Variants in CACNA2D3 observed in about 807,000 individuals in gnomAD.
CACNA2D3 encodes voltage-dependent calcium channel subunit alpha-2/delta-3.
A neutral mutation model predicts 160.6 loss-of-function variants in CACNA2D3; 60 were observed. That is an observed-to-expected ratio of 0.37 (90% CI 0.30 to 0.46). The LOEUF is 0.46. Among genes scored for constraint, CACNA2D3 ranks in the 20% least tolerant of loss-of-function variants. CACNA2D3 has a pLI of 1.00. For missense variants in CACNA2D3, 1,205 were observed against 1,365.0 expected (o/e 0.88, Z 1.85); for synonymous variants, 558 against 492.9 (o/e 1.13, Z -1.75).
intron 13 of CACNA2D3, among the ~76,000 whole-genome samples, chr3:54,793,054 C>T (rs1477250470): frequency 6.6e-6 from 1 of 152,104 alleles, no homozygotes; most frequent in East Asian, 1.9e-4. Flanking sequence ...TGTTTATGTC[C>T]AGTGATGGGA....
chr3:55,044,831 G>C (rs1321075304), intron 35 of CACNA2D3, among the ~76,000 whole-genome samples: 1 of 152,028 alleles, frequency 6.6e-6, no homozygotes, highest in Non-Finnish European at 1.5e-5. Context: ...TATCAAAAAA[G>C]GTTGCTAAAG....
At chr3:54,799,310 A>G (rs2106666435) in intron 13 of CACNA2D3, among the ~76,000 whole-genome samples, 1 of 151,902 alleles carries the variant, frequency 6.6e-6, no homozygotes, top group East Asian at 1.9e-4. Context: ...TGTAGATTGC[A>G]TATTTATTTG....
intron 2 of CACNA2D3, among the ~76,000 whole-genome samples, chr3:54,220,290 A>G (rs1327033452): frequency 6.6e-6 from 1 of 152,184 alleles, no homozygotes; most frequent in African/African-American, 2.4e-5. Context: ...TTAGGTTTTC[A>G]GTAAAGTCTC....
chr3:54,759,577 T>C (rs1302685017), intron 12 of CACNA2D3, among the ~76,000 whole-genome samples: 1 of 152,210 alleles, frequency 6.6e-6, no homozygotes, highest in African/African-American at 2.4e-5. Context: ...GTCAATATTA[T>C]TTTTAAAATT....
At chr3:54,331,865 T>C (rs750079547) in intron 3 of CACNA2D3, among the ~76,000 whole-genome samples, 1 of 152,236 alleles carries the variant, frequency 6.6e-6, no homozygotes, top group Non-Finnish European at 1.5e-5. Context: ...GTTTGATTCA[T>C]GTAAATAATT....
At chr3:54,212,525 C>T (rs183036453) in intron 2 of CACNA2D3, among the ~76,000 whole-genome samples, 2 of 152,244 alleles carry the variant, frequency 1.3e-5, no homozygotes, top group East Asian at 1.9e-4. Context: ...AAGTAGCAGG[C>T]GTCAGAGAGA....
intron 9 of CACNA2D3, among the ~76,000 whole-genome samples, chr3:54,586,680 A>T (rs1249920422): frequency 6.6e-6 from 1 of 152,226 alleles, no homozygotes; most frequent in Non-Finnish European, 1.5e-5. Context: ...TGAGATTGAA[A>T]TGACATTTAT....
intron 31 of CACNA2D3, 148 bp from the exon 32 acceptor site, chr3:55,004,615 G>T (rs1703050049): frequency 1.7e-6 from 1 of 593,058 alleles, no homozygotes; most frequent in Non-Finnish European, 3.0e-6. Context: ...CCTTTGCCAG[G>T]CTCCTTGTTC....
rs148331974 is a variant in CACNA2D3 at position 54,288,202 on chromosome 3, A to T, written c.205-32240A>T. 8.2e-3 allele frequency among the ~76,000 whole-genome samples: 1,245 copies of T among 152,328 alleles called. 13 individuals are homozygous for T. Among genetic ancestry groups the T allele is most frequent in the African/African-American group, 0.026 (1,096 of 41,560 alleles). ...AAGACTAATAAAGAAGAAAAGAGAG[A>T]AGAATCAAACAGATGCAATAAAAAA... On this transcript the variant is annotated intron_variant, in intron 2 of 37. Coordinates refer to ENST00000474759, the MANE Select transcript of CACNA2D3 (RefSeq NM_018398.3).
At chr3:54,877,995 A>G (rs1171542563) in intron 18 of CACNA2D3, among the ~76,000 whole-genome samples, 4 of 152,236 alleles carry the variant, frequency 2.6e-5, no homozygotes, top group African/African-American at 9.7e-5. Context: ...TTGTTAAAAA[A>G]ATATCTAGAG....
Position 55,074,409 on chromosome 3 carries a change from C to CCAGT in CACNA2D3, c.*206_*209dup. ...AGTTATCTATCATCTTTTTACTTTGCCAGTCATGCAAATGTGAGTTTGCCA... is the reference window on the plus strand; with the variant it reads ...AGTTATCTATCATCTTTTTACTTTGCCAGTCAGTCATGCAAATGTGAGTTTGCCA... On this transcript the variant is annotated 3_prime_UTR_variant, in exon 38 of 38. Coordinates refer to ENST00000474759, the MANE Select transcript of CACNA2D3 (RefSeq NM_018398.3). The CCAGT allele has an allele frequency of 3.5e-6, 2 of 565,984 alleles. No individual in the cohort carries two copies. Among genetic ancestry groups the CCAGT allele is most frequent in the Non-Finnish European group, 6.3e-6 (2 of 316,608 alleles). 35.1% of individuals were successfully genotyped at this position (565,984 alleles called of 1,614,324 possible).
At chr3:54,844,248 G>A (rs1456769030) in intron 16 of CACNA2D3, among the ~76,000 whole-genome samples, 1 of 152,140 alleles carries the variant, frequency 6.6e-6, no homozygotes, top group African/African-American at 2.4e-5. Context: ...AAAGTAGGAA[G>A]ATTTGAGGGA....
chr3:54,304,494 T>C (rs569455283), intron 2 of CACNA2D3, among the ~76,000 whole-genome samples: 1 of 152,332 alleles, frequency 6.6e-6, no homozygotes, highest in East Asian at 1.9e-4. Context: ...AACAATTACA[T>C]TTATAATCTT....
chr3:54,677,620 TGGG>T (rs5849051), intron 11 of CACNA2D3, among the ~76,000 whole-genome samples: 2 of 143,396 alleles, frequency 1.4e-5, no homozygotes, highest in African/African-American at 2.6e-5. Flanking sequence ...GTTTTTTTTT[TGGG>T]GGGGGGGCAA....
At chr3:54,985,763 TGGTTTGGTAATTTATAAACAGGGGC>T (rs1702600853) in intron 30 of CACNA2D3, among the ~76,000 whole-genome samples, 1 of 152,208 alleles carries the variant, frequency 6.6e-6, no homozygotes, top group African/African-American at 2.4e-5. Context: ...CTGAAATGAA[TGGTTTGGTAATTTATAAACAGGGGC>T]TCCAGGAAAC....
chr3:54,125,242 TACACACACAC>T lies in CACNA2D3; in HGVS notation c.204+1671_204+1680del, dbSNP rs59950857. On this transcript the variant is annotated intron_variant, in intron 2 of 37. Coordinates refer to ENST00000474759, the MANE Select transcript of CACNA2D3 (RefSeq NM_018398.3). Reference sequence around the variant, plus strand: ...ATGTTTTTTTCTTTCTCTTTGAAGTTACACACACACACACACACACACACACACACACTGC... The same window carrying T: ...ATGTTTTTTTCTTTCTCTTTGAAGTTACACACACACACACACACACACTGC... Among the ~76,000 whole-genome samples, 441 of 148,054 alleles carry T rather than the reference TACACACACAC, an allele frequency of 3.0e-3. 3 individuals carry two copies. The highest frequency in any genetic ancestry group is 9.6e-3 in the African/African-American group (382 of 39,878).
rs547899323 is a variant in CACNA2D3 at position 54,242,378 on chromosome 3, G to A, written c.205-78064G>A. On this transcript the variant is annotated intron_variant, in intron 2 of 37. Coordinates refer to ENST00000474759, the MANE Select transcript of CACNA2D3 (RefSeq NM_018398.3). The stretch of plus-strand genomic sequence containing the variant: ...TAATCACTTGAATCTGGGAGGCAGA[G>A]GTTGCGGCGAGCTGAGATCGTGCCA... Among the ~76,000 whole-genome samples the A allele has an allele frequency of 2.6e-5, 4 of 152,344 alleles. No homozygotes were observed. In the South Asian group the frequency reaches 8.3e-4, roughly 32 times the overall value.
chr3:54,431,859 C>G (rs1040723303), intron 4 of CACNA2D3, among the ~76,000 whole-genome samples: 2 of 152,168 alleles, frequency 1.3e-5, no homozygotes, highest in African/African-American at 4.8e-5. Context: ...CCACCTGCCT[C>G]AGCCTCCCAA....
At chr3:54,450,556 A>G (rs1700288617) in intron 4 of CACNA2D3, among the ~76,000 whole-genome samples, 1 of 152,160 alleles carries the variant, frequency 6.6e-6, no homozygotes, top group East Asian at 1.9e-4. Context: ...TCCCTGGTTC[A>G]GGGGAGGGGA....
Sources: gnomAD v4.1 joint callset for allele counts (sites outside exome capture counted in the v4.1 genomes callset) on GRCh38, gnomAD v4.1.1 for gene constraint, MANE v1.5 for transcripts, NCBI Gene and HGNC (gene_info 2026-07-23, HGNC 2026-07-21) for gene names.